The following CYP4B1 variants were observed in gnomAD, a reference collection of about 807,000 sequenced individuals.
CYP4B1 encodes cytochrome P450 4B1.
A neutral mutation model predicts 54.0 loss-of-function variants in CYP4B1; 45 were observed. That is an observed-to-expected ratio of 0.83 (90% confidence interval 0.66 to 1.07). The LOEUF (loss-of-function observed/expected upper bound fraction) is 1.07. Among genes scored for constraint, CYP4B1 ranks in the 50% least tolerant of loss-of-function variants. The pLI is 0.00. For synonymous variants in CYP4B1, 248 were observed against 247.5 expected (o/e 1.00, Z -0.02); for missense variants, 656 against 655.4 (o/e 1.00, Z -0.01).
chr1:46,810,410 G>T (rs1679049992), intron 1 of CYP4B1, among the ~76,000 whole-genome samples: 1 of 152,178 alleles, frequency 6.6e-6, no homozygotes, highest in Non-Finnish European at 1.5e-5. Context: ...TGTGTTGAAC[G>T]ATACGGCAGG....
intron 8 of CYP4B1, 52 bp downstream of exon 8, chr1:46,815,316 A>T: frequency 2.0e-6 from 3 of 1,465,396 alleles, no homozygotes; most frequent in Non-Finnish European, 1.8e-6. Flanking sequence ...GGGAAGGGCG[A>T]TGCCCATCCT....
rs1220983506 is a variant in CYP4B1 at position 46,799,285 on chromosome 1, G to A, written c.180+24G>A. The A allele has an allele frequency of 1.9e-6, 3 of 1,557,882 alleles. 1 individual carries two copies. The South Asian group carries it at 3.5e-5, about 18-fold the overall frequency. On this transcript the variant is annotated intron_variant, in intron 1 of 11. Transcript: ENST00000371923. The stretch of plus-strand genomic sequence containing the variant: ...AGGTATGTGGAGGTCGGGAGGGTGG[G>A]GGAGAAAGAAAACATCCTCCCTCCT...
intron 7 of CYP4B1, chr1:46,814,704 A>G (rs1371956151): frequency 5.8e-6 from 2 of 344,034 alleles, no homozygotes; most frequent in Admixed American, 4.5e-5. Context: ...GCTAGGATGC[A>G]GAGATGGGAA....
At chr1:46,812,046 T>C in intron 3 of CYP4B1, 2 of 406,424 alleles carry the variant, frequency 4.9e-6, no homozygotes, top group South Asian at 3.6e-5. Context: ...TGGAGTGGGG[T>C]AGGAAGGGTC....
At chr1:46,811,255 C>A in intron 3 of CYP4B1, 71 bp downstream of exon 3, 1 of 1,492,780 alleles carries the variant, frequency 6.7e-7, no homozygotes, top group Non-Finnish European at 9.3e-7. Context: ...GGATCCTGGC[C>A]TGTCCCACTC....
intron 7 of CYP4B1, 33 bp downstream of exon 7, chr1:46,814,348 A>G (rs748159614): frequency 6.5e-7 from 1 of 1,544,790 alleles, no homozygotes; most frequent in South Asian, 1.1e-5. Flanking sequence ...CTACCTGAGG[A>G]CTGGTCCCAG....
rs199886697 is a variant in CYP4B1 at position 46,814,023 on chromosome 1, C to T, written c.735C>T (p.Arg245=). The part of the protein sequence containing the change: ...DFIYWLTPHG[R]RFLRACQVAH... ...TCTACTGGCTCACCCCACATGGCCGCCGCTTCCTGCGGGCCTGCCAGGTGG... is the reference window on the plus strand; with the variant it reads ...TCTACTGGCTCACCCCACATGGCCGTCGCTTCCTGCGGGCCTGCCAGGTGG... Residue 245 remains arginine (R), a synonymous_variant, in exon 6 of 12, where the codon CGC becomes CGT. Coordinates refer to ENST00000371923, the MANE Select transcript of CYP4B1 (RefSeq NM_001099772.2). 1 of 1,614,160 alleles carries T rather than the reference C, an allele frequency of 6.2e-7. No individual in the cohort carries two copies. The highest frequency in any genetic ancestry group is 2.2e-5 in the East Asian group (1 of 44,860).
At chr1:46,816,942 T>G in intron 8 of CYP4B1, 106 bp from the exon 9 acceptor site, 15 of 1,323,084 alleles carry the variant, frequency 1.1e-5, no homozygotes, top group Non-Finnish European at 1.6e-5. Context: ...CTCTGACTCT[T>G]GAGTGTGTGG....
intron 7 of CYP4B1, 92 bp from the exon 8 acceptor site, chr1:46,814,982 A>G: frequency 8.6e-7 from 1 of 1,162,684 alleles, no homozygotes; most frequent in Non-Finnish European, 1.3e-6. Flanking sequence ...ACTCCCTCCC[A>G]GAGACCTTCA....
chr1:46,812,056 C>T (rs1679122148), intron 3 of CYP4B1: 1 of 418,694 alleles, frequency 2.4e-6, no homozygotes, highest in Non-Finnish European at 4.8e-6. Context: ...TAGGAAGGGT[C>T]CCACCTGAGG....
At chr1:46,814,163 C>A (rs200389917) in intron 6 of CYP4B1, 46 bp from the exon 7 acceptor site, 20 of 1,611,648 alleles carry the variant, frequency 1.2e-5, no homozygotes, top group Middle Eastern at 3.3e-4. Context: ...CCCCTTTGGA[C>A]AAAAGATGGC....
chr1:46,816,090 A>G (rs1264075207), intron 8 of CYP4B1, among the ~76,000 whole-genome samples: 1 of 152,144 alleles, frequency 6.6e-6, no homozygotes, highest in African/African-American at 2.4e-5. Context: ...TCTGTTGGTC[A>G]TATGTGAGAA....
At chr1:46,812,355 G>T in intron 3 of CYP4B1, 141 bp from the exon 4 acceptor site, 1 of 910,886 alleles carries the variant, frequency 1.1e-6, no homozygotes. Flanking sequence ...TAGGGTGAGG[G>T]CATGGAGGGC....
chr1:46,813,725 G>A (rs1679208976), intron 5 of CYP4B1, 119 bp downstream of exon 5: 5 of 1,491,188 alleles, frequency 3.4e-6, no homozygotes, highest in Non-Finnish European at 3.6e-6. Flanking sequence ...GGGAGCCTTA[G>A]CTTGCGGGGA....
chr1:46,806,225 C>T (rs944546204), intron 1 of CYP4B1, among the ~76,000 whole-genome samples: 3 of 152,240 alleles, frequency 2.0e-5, no homozygotes, highest in Admixed American at 2.0e-4. Context: ...ACCGACATGA[C>T]CTGCCTTGAG....
intron 1 of CYP4B1, among the ~76,000 whole-genome samples, chr1:46,810,057 C>T (rs1679034938): frequency 6.6e-6 from 1 of 152,210 alleles, no homozygotes; most frequent in African/African-American, 2.4e-5. Flanking sequence ...ACACCATGAT[C>T]TTTCCCAACC....
chr1:46,807,311 G>C (rs1312600856), intron 1 of CYP4B1, among the ~76,000 whole-genome samples: 2 of 152,132 alleles, frequency 1.3e-5, no homozygotes, highest in Non-Finnish European at 2.9e-5. Flanking sequence ...CTGATAAGGA[G>C]GGAAGTGGGG....
chr1:46,804,218 A>G (rs942024360), intron 1 of CYP4B1, among the ~76,000 whole-genome samples: 5 of 152,048 alleles, frequency 3.3e-5, no homozygotes, highest in African/African-American at 1.2e-4. Flanking sequence ...GACATCCAGG[A>G]GACAGTGCAT....
intron 1 of CYP4B1, among the ~76,000 whole-genome samples, chr1:46,809,181 AAAAAC>A (rs200544294): frequency 1.4e-4 from 20 of 146,672 alleles, no homozygotes; most frequent in East Asian, 6.1e-4. Context: ...ATCCTTAAAA[AAAAAC>A]AAAACAAAAC....
Sources: gnomAD v4.1 joint callset for allele counts (sites outside exome capture counted in the v4.1 genomes callset) on GRCh38, gnomAD v4.1.1 for gene constraint, MANE v1.5 for transcripts, NCBI Gene and HGNC (gene_info 2026-07-23, HGNC 2026-07-21) for gene names.